The following CIMIP4 variants were observed in gnomAD, a reference collection of about 807,000 sequenced individuals.
The protein encoded by CIMIP4 is ciliary microtubule inner protein 4.
At chr22:36,995,103 C>A in the CIMIP4 span, among the ~76,000 whole-genome samples, 1 of 151,978 alleles carries the variant, frequency 6.6e-6, no homozygotes, top group Non-Finnish European at 1.5e-5. Flanking sequence ...GAGAGCAAAC[C>A]AAGAAAGAGG....
At chr22:37,007,425 C>T in the CIMIP4 span, 1 of 152,240 alleles carries the variant, frequency 6.6e-6, no homozygotes, top group African/African-American at 2.4e-5. Flanking sequence ...AGGTGAAGTT[C>T]AAGTTAGCTC....
At chr22:36,995,968 C>T in the CIMIP4 span, among the ~76,000 whole-genome samples, 1 of 152,050 alleles carries the variant, frequency 6.6e-6, no homozygotes, top group Non-Finnish European at 1.5e-5. Flanking sequence ...CACCATTGTC[C>T]TAGAGAGGTC....
the CIMIP4 span, among the ~76,000 whole-genome samples, chr22:37,006,228 G>T: frequency 6.6e-6 from 1 of 152,144 alleles, no homozygotes; most frequent in Non-Finnish European, 1.5e-5. Context: ...AGTACAAAAT[G>T]AAAAGATACC....
chr22:36,994,939 T>C, the CIMIP4 span, among the ~76,000 whole-genome samples: 33 of 152,298 alleles, frequency 2.2e-4, no homozygotes, highest in Admixed American at 5.2e-4. Flanking sequence ...CTGGAGAGAT[T>C]ATTCTTAAGC....
the CIMIP4 span, chr22:37,000,121 C>T: frequency 1.7e-6 from 2 of 1,168,496 alleles, no homozygotes; most frequent in Admixed American, 5.8e-5. Context: ...TCAACCTATT[C>T]ACAGGGCTGG....
chr22:36,997,820 T>C, the CIMIP4 span, among the ~76,000 whole-genome samples: 1 of 152,156 alleles, frequency 6.6e-6, no homozygotes, highest in South Asian at 2.1e-4. Flanking sequence ...TCTGCCTCAC[T>C]CCTGTGCAGC....
chr22:37,000,440 G>T, the CIMIP4 span, among the ~76,000 whole-genome samples: 3 of 152,266 alleles, frequency 2.0e-5, no homozygotes, highest in African/African-American at 7.2e-5. Context: ...TTTCAATGAG[G>T]CCAACTCCCT....
the CIMIP4 span, chr22:37,004,040 C>A: frequency 6.5e-7 from 1 of 1,540,788 alleles, no homozygotes; most frequent in Non-Finnish European, 8.8e-7. Context: ...AAACAAAGCA[C>A]CACGTTTCAT....
At chr22:37,006,926 G>T in the CIMIP4 span, among the ~76,000 whole-genome samples, 2 of 152,188 alleles carry the variant, frequency 1.3e-5, no homozygotes, top group Non-Finnish European at 2.9e-5. Flanking sequence ...TTCTCTGACA[G>T]AAGCCAGTTT....
At chr22:36,992,729 T>C in the CIMIP4 span, among the ~76,000 whole-genome samples, 1 of 151,966 alleles carries the variant, frequency 6.6e-6, no homozygotes, top group East Asian at 1.9e-4. Flanking sequence ...AATTAACAGA[T>C]AAAATAGCAG....
chr22:37,002,470 G>A, the CIMIP4 span, among the ~76,000 whole-genome samples: 4 of 152,230 alleles, frequency 2.6e-5, no homozygotes, highest in East Asian at 1.9e-4. Context: ...GAGAGGAAGC[G>A]CAGGAACCAG....
At chr22:36,996,243 C>T in the CIMIP4 span, among the ~76,000 whole-genome samples, 1 of 151,834 alleles carries the variant, frequency 6.6e-6, no homozygotes, top group Non-Finnish European at 1.5e-5. Flanking sequence ...AAATACTATG[C>T]ATAAATGTAG....
the CIMIP4 span, among the ~76,000 whole-genome samples, chr22:36,995,101 AC>A: frequency 6.6e-6 from 1 of 152,206 alleles, no homozygotes; most frequent in African/African-American, 2.4e-5. Context: ...AAGAGAGCAA[AC>A]CAAGAAAGAG....
At chr22:37,004,021 T>C in the CIMIP4 span, 1 of 1,547,132 alleles carries the variant, frequency 6.5e-7, no homozygotes, top group Non-Finnish European at 8.7e-7. Context: ...ATTCCAAGCT[T>C]AGTCCTGTAA....
the CIMIP4 span, among the ~76,000 whole-genome samples, chr22:36,999,011 G>T: frequency 2.0e-5 from 3 of 152,012 alleles, no homozygotes; most frequent in African/African-American, 7.3e-5. Context: ...CCCACCTAAG[G>T]TCATACCCAG....
At chr22:37,005,300 A>C in the CIMIP4 span, among the ~76,000 whole-genome samples, 4 of 152,202 alleles carry the variant, frequency 2.6e-5, no homozygotes, top group Admixed American at 6.5e-5. Flanking sequence ...GACCCAGCCA[A>C]GTGAGCATCC....
At chr22:36,999,745 G>C in the CIMIP4 span, 6 of 1,485,388 alleles carry the variant, frequency 4.0e-6, no homozygotes, top group Admixed American at 8.7e-5. Flanking sequence ...TGGGGTCCTA[G>C]ACCCCATATG....
chr22:36,995,566 G>A, the CIMIP4 span, among the ~76,000 whole-genome samples: 2 of 152,270 alleles, frequency 1.3e-5, no homozygotes, highest in East Asian at 3.9e-4. Context: ...TCACGGCCAT[G>A]CCAATACTCT....
At chr22:37,002,691 C>G in the CIMIP4 span, among the ~76,000 whole-genome samples, 1 of 152,192 alleles carries the variant, frequency 6.6e-6, no homozygotes. Context: ...TTCCCTTCCC[C>G]ACTTTTCCAT....
Sources: allele counts gnomAD v4.1 joint callset (sites outside exome capture counted in the v4.1 genomes callset), GRCh38; gene constraint gnomAD v4.1.1; transcripts MANE v1.5; gene names NCBI Gene and HGNC (gene_info 2026-07-23, HGNC 2026-07-21).